Variants in SNX29 observed in about 807,000 individuals in gnomAD.
SNX29 encodes the protein sorting nexin 29, also known as sorting nexin-29.
In SNX29, 78 loss-of-function variants were observed where a neutral mutation model predicts 102.1. The observed-to-expected ratio is 0.76, with a 90% CI of 0.64 to 0.92. SNX29 has a LOEUF of 0.92. Ranked by LOEUF, SNX29 falls within the 40% of genes least tolerant of loss-of-function variation. SNX29 has a pLI of 0.00. For synonymous variants in SNX29, 580 were observed against 414.5 expected, an observed-to-expected ratio of 1.40 and a Z score of -4.85; for missense variants, 1,280 against 1,061.7, an observed-to-expected ratio of 1.21 and a Z score of -2.86.
At chr16:12,331,191 A>C (rs1042123304) in intron 15 of SNX29, among the ~76,000 whole-genome samples, 2 of 152,068 alleles carry the variant, frequency 1.3e-5, no homozygotes, top group African/African-American at 4.8e-5. Context: ...GCTGAGCCCA[A>C]CTTTCCAGGC....
intron 20 of SNX29, among the ~76,000 whole-genome samples, chr16:12,551,121 G>C (rs900160179): frequency 3.3e-5 from 5 of 151,988 alleles, no homozygotes; most frequent in African/African-American, 1.2e-4. Flanking sequence ...TGAAATAATG[G>C]AACAGTGGTC....
Position 12,560,781 on chromosome 16 carries a change from T to C in SNX29, c.2319-7725T>C, listed in dbSNP as rs144863598. On this transcript the variant is annotated intron_variant, in intron 20 of 20. Coordinates refer to ENST00000566228, the MANE Select transcript of SNX29 (RefSeq NM_032167.5). ...CATAGGATTTACCCTCTGTGCTTTA[T>C]TTTCCATGCCCTTAAGATTAGGATG... The C allele has an allele frequency of 7.9e-5, 14 of 176,272 alleles. No individual in the cohort carries two copies. In the East Asian group the frequency reaches 1.4e-3, roughly 17 times the overall value. The allele number at this position is 176,272 out of a possible 1,614,324, so 10.9% of individuals were successfully genotyped here. A position where few individuals can be genotyped will look rare whatever the true frequency, so the allele number is the denominator to read the frequency against.
chr16:12,142,452 G>A (rs2054900570), intron 13 of SNX29, among the ~76,000 whole-genome samples: 2 of 152,202 alleles, frequency 1.3e-5, no homozygotes, highest in African/African-American at 4.8e-5. Context: ...GGCTGGGGGT[G>A]AGTACAAGAT....
At chr16:12,539,036 GC>G (rs1473347327) in intron 20 of SNX29, among the ~76,000 whole-genome samples, 1 of 152,160 alleles carries the variant, frequency 6.6e-6, no homozygotes, top group Non-Finnish European at 1.5e-5. Flanking sequence ...CCAGAATGGG[GC>G]CCAGAAAGAC....
chr16:12,092,992 A>C (rs114557599), intron 11 of SNX29, among the ~76,000 whole-genome samples: 2,335 of 152,262 alleles, frequency 0.015, 64 homozygotes, highest in African/African-American at 0.049. Context: ...GGCTGGAAAG[A>C]GGCAGAATGG....
At chr16:12,426,443 C>T (rs532321583) in intron 18 of SNX29, among the ~76,000 whole-genome samples, 2 of 152,016 alleles carry the variant, frequency 1.3e-5, no homozygotes, top group East Asian at 1.9e-4. Flanking sequence ...GATAATGAGC[C>T]GGAAAGTATA....
In SNX29 at chr16:12,236,078, T is replaced by A. The variant is rs146231426; in HGVS notation, c.1678+36395T>A. 2.3e-4 allele frequency among the ~76,000 whole-genome samples: 35 copies of A among 152,336 alleles called. 1 individual carries two copies. The East Asian group carries it at 6.6e-3, about 29-fold the overall frequency. On this transcript the variant is annotated intron_variant, in intron 14 of 20. Transcript: ENST00000566228. ...TATATGCTGCTCCTGGTTGCATAGATAGCCCAGAACTGCTTTACGTACTTA... is the reference window on the plus strand; with the variant it reads ...TATATGCTGCTCCTGGTTGCATAGAAAGCCCAGAACTGCTTTACGTACTTA...
At chr16:12,510,594 A>T (rs889694956) in intron 19 of SNX29, among the ~76,000 whole-genome samples, 2 of 151,788 alleles carry the variant, frequency 1.3e-5, no homozygotes, top group Non-Finnish European at 2.9e-5. Flanking sequence ...AATCGCTGGA[A>T]CCCCGGAGGC....
chr16:12,524,116 C>A (rs2090204302), intron 19 of SNX29, among the ~76,000 whole-genome samples: 1 of 152,160 alleles, frequency 6.6e-6, no homozygotes, highest in South Asian at 2.1e-4. Context: ...AAACTCCCAG[C>A]CTCAGGTGAT....
chr16:12,093,724 T>A (rs1017529008), intron 11 of SNX29: 1 of 152,140 alleles, frequency 6.6e-6, no homozygotes, highest in Non-Finnish European at 1.5e-5. Flanking sequence ...TTATATGAAG[T>A]GTCTGTTGTA....
At chr16:12,085,275 C>T (rs1295935623) in intron 11 of SNX29, among the ~76,000 whole-genome samples, 1 of 152,098 alleles carries the variant, frequency 6.6e-6, no homozygotes, top group Non-Finnish European at 1.5e-5. Context: ...CACAGCAGGT[C>T]CGAGGAGAGT....
intron 3 of SNX29, among the ~76,000 whole-genome samples, chr16:12,024,396 T>G (rs2057129978): frequency 6.6e-6 from 1 of 152,138 alleles, no homozygotes; most frequent in South Asian, 2.1e-4. Context: ...TCCACCCGCC[T>G]TGGCCTGCCA....
At chr16:12,380,242 A>G (rs938528074) in intron 16 of SNX29, among the ~76,000 whole-genome samples, 8 of 151,740 alleles carry the variant, frequency 5.3e-5, no homozygotes, top group Admixed American at 1.3e-4. Flanking sequence ...GGCTTAGACA[A>G]TCTGAGGTTG....
intron 14 of SNX29, among the ~76,000 whole-genome samples, chr16:12,237,165 A>G (rs2077960563): frequency 6.6e-6 from 1 of 152,306 alleles, no homozygotes; most frequent in South Asian, 2.1e-4. Flanking sequence ...GGTGGGACGT[A>G]GGACAGGAGG....
chr16:12,290,687 G>T (rs2079764590), intron 15 of SNX29, among the ~76,000 whole-genome samples: 1 of 152,196 alleles, frequency 6.6e-6, no homozygotes, highest in Non-Finnish European at 1.5e-5. Flanking sequence ...AGACACATAG[G>T]ACAGATGCAT....
intron 11 of SNX29, among the ~76,000 whole-genome samples, chr16:12,115,027 T>C (rs2053639958): frequency 6.6e-6 from 1 of 152,160 alleles, no homozygotes; most frequent in South Asian, 2.1e-4. Flanking sequence ...GGTCTTTCCA[T>C]CTGTGAAATG....
chr16:12,429,088 A>C (rs2085205244), intron 18 of SNX29, among the ~76,000 whole-genome samples: 1 of 151,958 alleles, frequency 6.6e-6, no homozygotes, highest in East Asian at 1.9e-4. Flanking sequence ...CTAGTTAATT[A>C]CAACACACAG....
chr16:12,159,363 A>C (rs1017498292), intron 13 of SNX29, among the ~76,000 whole-genome samples: 1 of 152,242 alleles, frequency 6.6e-6, no homozygotes, highest in African/African-American at 2.4e-5. Flanking sequence ...AGTAACTAGC[A>C]ATCCCAGTAT....
chr16:12,489,988 T>C (rs1170965759), intron 19 of SNX29, among the ~76,000 whole-genome samples: 1 of 152,186 alleles, frequency 6.6e-6, no homozygotes, highest in African/African-American at 2.4e-5. Flanking sequence ...GTATTTTTAG[T>C]AGAGATGGGG....
Sources: allele counts gnomAD v4.1 joint callset (sites outside exome capture counted in the v4.1 genomes callset), GRCh38; gene constraint gnomAD v4.1.1; transcripts MANE v1.5; gene names NCBI Gene and HGNC (gene_info 2026-07-23, HGNC 2026-07-21).